The following PAX5 variants were observed in gnomAD, a reference collection of about 807,000 sequenced individuals.
PAX5 encodes paired box protein Pax-5.
Under a neutral mutation model 43.7 loss-of-function variants are expected in PAX5, and 9 were observed. That is an observed-to-expected ratio of 0.21 (90% CI 0.12 to 0.36). PAX5 has a LOEUF of 0.36. Ranked by LOEUF, PAX5 falls within the 10% of genes least tolerant of loss-of-function variation. The pLI, the probability that PAX5 is intolerant of heterozygous loss-of-function variation, is 1.00. For synonymous variants in PAX5, 228 were observed against 214.3 expected, an observed-to-expected ratio of 1.06 and a Z score of -0.56; for missense variants, 383 against 532.7, an observed-to-expected ratio of 0.72 and a Z score of 2.77.
intron 3 of PAX5, among the ~76,000 whole-genome samples, chr9:37,012,426 A>T (rs917308628): frequency 2.6e-5 from 4 of 152,114 alleles, no homozygotes; most frequent in African/African-American, 9.7e-5. Flanking sequence ...AGCCTTAAGG[A>T]CTATAGGAGA....
chr9:37,026,047 G>A, intron 1 of PAX5, among the ~76,000 whole-genome samples: 1 of 152,258 alleles, frequency 6.6e-6, no homozygotes, highest in Non-Finnish European at 1.5e-5. Context: ...TCCTCGCTTA[G>A]CTCTCAACCT....
At chr9:37,002,264 G>T (rs907841234) in intron 5 of PAX5, among the ~76,000 whole-genome samples, 1 of 152,130 alleles carries the variant, frequency 6.6e-6, no homozygotes, top group Non-Finnish European at 1.5e-5. Context: ...CCCTCTCTCT[G>T]GTCCAAAGCT....
intron 8 of PAX5, among the ~76,000 whole-genome samples, chr9:36,847,185 T>C (rs1822674902): frequency 6.6e-6 from 1 of 152,200 alleles, no homozygotes; most frequent in Admixed American, 6.5e-5. Flanking sequence ...GGAACTCCCA[T>C]GTCGTTCTGT....
chr9:36,939,367 TGACCCATTTTTAACCCAAACCACCA>T, intron 6 of PAX5, among the ~76,000 whole-genome samples: 2 of 152,280 alleles, frequency 1.3e-5, no homozygotes, highest in South Asian at 4.2e-4. Flanking sequence ...TGGGCAGGGC[TGACCCATTTTTAACCCAAACCACCA>T]GACCCTGGGT....
chr9:36,973,524 A>G (rs1054789769), intron 5 of PAX5, among the ~76,000 whole-genome samples: 1 of 152,206 alleles, frequency 6.6e-6, no homozygotes, highest in Non-Finnish European at 1.5e-5. Context: ...AAAACAACCT[A>G]TAAAGTAGAC....
chr9:36,936,137 C>A (rs113711527), intron 6 of PAX5, among the ~76,000 whole-genome samples: 1 of 152,226 alleles, frequency 6.6e-6, no homozygotes, highest in African/African-American at 2.4e-5. Flanking sequence ...TTCCCAAATA[C>A]GTGGACAGAA....
chr9:36,849,699 T>C (rs775440917), intron 8 of PAX5, among the ~76,000 whole-genome samples: 1 of 152,188 alleles, frequency 6.6e-6, no homozygotes, highest in Non-Finnish European at 1.5e-5. Flanking sequence ...CACCACACCA[T>C]CCTGCCCCTT....
In PAX5 at chr9:37,015,288, G is replaced by A. The variant is rs773022708; in HGVS notation, c.213-94C>T. Reference sequence around the variant, plus strand: ...GGGCTACTCTGGCCAGGAAACGTCCGGATCTGCACGTTCCAATACAGTAGC... The same window carrying A: ...GGGCTACTCTGGCCAGGAAACGTCCAGATCTGCACGTTCCAATACAGTAGC... On this transcript the variant is annotated intron_variant, in intron 2 of 9. Coordinates refer to ENST00000358127, the MANE Select transcript of PAX5 (RefSeq NM_016734.3). The surrounding 1 kb of genome is among the most constrained non-coding windows in gnomAD (Gnocchi z 4.4). The A allele has an allele frequency of 9.4e-6, 10 of 1,064,358 alleles. No individual in the cohort carries two copies. The highest frequency in any genetic ancestry group is 5.6e-5 in the Admixed American group (3 of 53,764). The allele number at this position is 1,064,358 out of a possible 1,614,324, so 65.9% of individuals were successfully genotyped here.
intron 9 of PAX5, among the ~76,000 whole-genome samples, chr9:36,844,731 C>T (rs1238858987): frequency 1.3e-5 from 2 of 152,132 alleles, no homozygotes; most frequent in African/African-American, 4.8e-5. Context: ...TTCACTCCAG[C>T]TTGAGTAGCA....
intron 6 of PAX5, among the ~76,000 whole-genome samples, chr9:36,941,499 G>A (rs908348303): frequency 3.3e-5 from 5 of 152,116 alleles, no homozygotes; most frequent in Admixed American, 6.5e-5. Context: ...TCCTGTCCTG[G>A]CTCCAGCTCA....
chr9:36,900,796 C>T (rs1057051659), intron 7 of PAX5, among the ~76,000 whole-genome samples: 5 of 152,148 alleles, frequency 3.3e-5, no homozygotes, highest in African/African-American at 1.2e-4. Flanking sequence ...CCTGACCCCG[C>T]CCCCACTGCC....
intron 8 of PAX5, 34 bp from the exon 9 acceptor site, chr9:36,846,963 CA>C: frequency 2.0e-6 from 3 of 1,489,300 alleles, no homozygotes; most frequent in Non-Finnish European, 2.8e-6. Flanking sequence ...AAACAGGAAC[CA>C]AACGTCAAAT....
At chr9:36,858,576 T>C (rs960933168) in intron 8 of PAX5, among the ~76,000 whole-genome samples, 6 of 152,232 alleles carry the variant, frequency 3.9e-5, no homozygotes, top group Non-Finnish European at 8.8e-5. Flanking sequence ...AAATGTTCTA[T>C]GAGGCTTTTT....
At chr9:36,944,522 C>A (rs576387424) in intron 6 of PAX5, among the ~76,000 whole-genome samples, 4 of 152,304 alleles carry the variant, frequency 2.6e-5, no homozygotes, top group Non-Finnish European at 2.9e-5. Flanking sequence ...GGAAGGACTG[C>A]ATGAGGCCCT....
intron 7 of PAX5, among the ~76,000 whole-genome samples, chr9:36,890,292 G>A (rs1309318417): frequency 6.6e-6 from 1 of 152,152 alleles, no homozygotes; most frequent in Non-Finnish European, 1.5e-5. Context: ...CCTGGTGATG[G>A]CTTGATGGCC....
rs560895889 is a variant in PAX5 at position 36,953,294 on chromosome 9, G to A, written c.780+13255C>T. Among the ~76,000 whole-genome samples, 30 of 151,874 alleles carry A rather than the reference G, an allele frequency of 2.0e-4. 1 individual carries two copies. In the South Asian group the frequency reaches 6.0e-3, roughly 31 times the overall value. On this transcript the variant is annotated intron_variant, in intron 6 of 9. Transcript: ENST00000358127. ...TTTTCTCTTTGTCTTTGATATTCTG[G>A]CTTTTGAATATTATATGCCTAATGT...
At chr9:36,997,054 G>T (rs72735669) in intron 5 of PAX5, among the ~76,000 whole-genome samples, 26,350 of 152,048 alleles carry the variant, frequency 0.17, 2,737 homozygotes, top group South Asian at 0.26. Context: ...CATGGGGAGA[G>T]ACACAAAAAC....
chr9:36,884,994 C>T (rs548772417), intron 7 of PAX5, among the ~76,000 whole-genome samples: 11 of 152,222 alleles, frequency 7.2e-5, no homozygotes, highest in African/African-American at 2.2e-4. Context: ...GCCTTGTCCA[C>T]GGCTCCAGTT....
chr9:37,026,449 G>T, intron 1 of PAX5: 1 of 1,143,680 alleles, frequency 8.7e-7, no homozygotes, highest in Non-Finnish European at 1.2e-6. Flanking sequence ...AGATCCTTCC[G>T]GCCTTAGTAC....
Sources: allele counts gnomAD v4.1 joint callset (sites outside exome capture counted in the v4.1 genomes callset), GRCh38; gene constraint gnomAD v4.1.1; non-coding constraint Gnocchi (gnomAD v3.1); transcripts MANE v1.5; gene names NCBI Gene and HGNC (gene_info 2026-07-23, HGNC 2026-07-21).